Variants in UNC80 observed in about 807,000 individuals in gnomAD.
UNC80 encodes unc-80 subunit of NALCN channel complex.
In UNC80, 164 loss-of-function variants were observed where a neutral mutation model predicts 384.6. That is an observed-to-expected ratio of 0.43 (90% CI 0.38 to 0.49). UNC80 has a LOEUF of 0.49. UNC80 is among the 20% of genes least tolerant of loss of function. The pLI, the probability that UNC80 is intolerant of heterozygous loss-of-function variation, is 0.00. For missense variants in UNC80, 3,330 were observed against 4,143.0 expected (o/e 0.80, Z 5.39); for synonymous variants, 1,486 against 1,527.8 (o/e 0.97, Z 0.64).
chr2:209,807,930 T>A (rs2079011723), intron 7 of UNC80, among the ~76,000 whole-genome samples: 2 of 152,242 alleles, frequency 1.3e-5, no homozygotes, highest in Non-Finnish European at 1.5e-5. Context: ...TCTTGTTAAT[T>A]TATTGATATT....
chr2:209,817,929 A>G lies in UNC80; in HGVS notation c.1670A>G (p.His557Arg). The change falls in exon 11 of 65, where the codon CAT (histidine) becomes CGT (arginine). Residue 557 changes from histidine (H) to arginine (R), a missense_variant. This residue lies in a region of UNC80 where 937 missense variants were observed against 1,026.8 expected (regional missense o/e 0.91). Transcript: ENST00000673920. ...VSDLPDPSNS[H>R]GENTVKEVRS... ...GACCTGCCGGACCCCTCCAACAGCC[A>G]TGGAGAAAACACCGTCAAGGAAGGT... 1.3e-6 allele frequency: 2 copies of G among 1,551,650 alleles called. No individual in the cohort carries two copies. The highest frequency in any genetic ancestry group is 1.7e-6 in the Non-Finnish European group (2 of 1,146,986).
intron 38 of UNC80, among the ~76,000 whole-genome samples, chr2:209,932,110 A>G (rs2090925946): frequency 6.6e-6 from 1 of 152,114 alleles, no homozygotes; most frequent in Admixed American, 6.5e-5. Context: ...ACTCAAGCCC[A>G]TGGCTGCTGT....
At chr2:209,993,097 A>ATG (rs1161660784) in intron 62 of UNC80, among the ~76,000 whole-genome samples, 1 of 152,262 alleles carries the variant, frequency 6.6e-6, no homozygotes, top group Non-Finnish European at 1.5e-5. Flanking sequence ...ATGTTAGTCA[A>ATG]TGTTCTTGGC....
At chr2:209,982,468 G>T (rs1385263043) in intron 60 of UNC80, 151 bp downstream of exon 60, 2 of 989,776 alleles carry the variant, frequency 2.0e-6, no homozygotes, top group Non-Finnish European at 2.7e-6. Context: ...TGTCAACTAG[G>T]TTCCTGCAGG....
In UNC80 at chr2:209,771,987, G is replaced by T. The variant is rs541256290; in HGVS notation, c.-86G>T. The T allele has an allele frequency of 2.0e-6, 2 of 986,424 alleles. No individual in the cohort carries two copies. Among genetic ancestry groups the T allele is most frequent in the Admixed American group, 2.0e-5 (1 of 49,604 alleles). The allele number at this position is 986,424 out of a possible 1,614,324, so 61.1% of individuals were successfully genotyped here. On this transcript the variant is annotated 5_prime_UTR_variant, in exon 1 of 65. Transcript: ENST00000673920. ...TGCCTCGGGGAAGGAGGGGATGAGA[G>T]TTGGGAGCAGCGGGAGGAGGCGGCG...
intron 25 of UNC80, among the ~76,000 whole-genome samples, chr2:209,882,582 A>G (rs1381061147): frequency 2.6e-5 from 4 of 152,302 alleles, no homozygotes; most frequent in Admixed American, 2.6e-4. Flanking sequence ...TTTCATAATA[A>G]CCTGAATCTT....
At chr2:209,772,446 G>C (rs528320689) in intron 1 of UNC80, among the ~76,000 whole-genome samples, 10 of 152,194 alleles carry the variant, frequency 6.6e-5, no homozygotes, top group Non-Finnish European at 4.4e-5. Context: ...CCTGGGAAGA[G>C]GGGGCGGGGA....
chr2:209,855,174 C>T (rs1183190909), intron 22 of UNC80, among the ~76,000 whole-genome samples: 3 of 152,148 alleles, frequency 2.0e-5, no homozygotes, highest in Non-Finnish European at 4.4e-5. Context: ...AAGCCATTAT[C>T]CTCAGCAAAC....
In UNC80 at chr2:209,917,885, A is replaced by G. The variant is rs1212131562; in HGVS notation, c.5138A>G (p.Lys1713Arg). The G allele has an allele frequency of 1.3e-6, 2 of 1,551,748 alleles. No individual in the cohort carries two copies. Among genetic ancestry groups the G allele is most frequent in the Non-Finnish European group, 1.7e-6 (2 of 1,147,044 alleles). The change falls in exon 32 of 65, where the codon AAG becomes AGG. Residue 1713 changes from lysine to arginine, a missense_variant. By Grantham distance (26) the Lys-to-Arg change is conservative (BLOSUM62 2). This residue lies in a region of UNC80 where 801 missense variants were observed against 950.8 expected (regional missense o/e 0.84). Coordinates refer to ENST00000673920, the MANE Select transcript of UNC80 (RefSeq NM_001371986.1). ...GTGCAGAGGCTGAACGCTGTCCTCA[A>G]GTTCCACACGCTCTGGAGGTTTCGC... Reference protein sequence around the residue: ...ETVQRLNAVLKFHTLWRFRYQ... With the variant: ...ETVQRLNAVLRFHTLWRFRYQ...
At chr2:209,971,464 C>CAAAAAA (rs35804573) in intron 54 of UNC80, among the ~76,000 whole-genome samples, 1 of 133,778 alleles carries the variant, frequency 7.5e-6, no homozygotes, top group Non-Finnish European at 1.6e-5. Context: ...ATTCCCAAGG[C>CAAAAAA]AAAAAAAAAA....
intron 22 of UNC80, among the ~76,000 whole-genome samples, chr2:209,851,193 A>G (rs1365769972): frequency 2.0e-5 from 3 of 152,278 alleles, no homozygotes; most frequent in Non-Finnish European, 4.4e-5. Flanking sequence ...TTCCTACTTT[A>G]TAGCTCTCAG....
chr2:209,919,240 A>G (rs2089833146), intron 33 of UNC80, among the ~76,000 whole-genome samples: 1 of 152,204 alleles, frequency 6.6e-6, no homozygotes. Context: ...ATTCATCTTC[A>G]GAATATGCCT....
intron 7 of UNC80, among the ~76,000 whole-genome samples, chr2:209,797,634 A>G (rs1007369058): frequency 6.6e-6 from 1 of 152,110 alleles, no homozygotes; most frequent in Admixed American, 6.5e-5. Flanking sequence ...CAATAAACAT[A>G]TGTGTGCATG....
At chr2:209,779,024 C>T (rs2077016741) in intron 4 of UNC80, among the ~76,000 whole-genome samples, 1 of 152,246 alleles carries the variant, frequency 6.6e-6, no homozygotes, top group Non-Finnish European at 1.5e-5. Context: ...AACACATACA[C>T]TGGCCACATT....
At chr2:209,985,534 A>C (rs2093269322) in intron 61 of UNC80, among the ~76,000 whole-genome samples, 1 of 152,240 alleles carries the variant, frequency 6.6e-6, no homozygotes. Context: ...GAAATATCAG[A>C]CACAAACAGT....
At chr2:209,812,216 ATTTT>A (rs796729702) in intron 7 of UNC80, among the ~76,000 whole-genome samples, 1,658 of 137,606 alleles carry the variant, frequency 0.012, 29 homozygotes, top group African/African-American at 0.04. Context: ...AGAGCGGCTA[ATTTT>A]TTTTTTTTTT....
At chr2:209,971,948 C>A (rs2092898792) in intron 54 of UNC80, among the ~76,000 whole-genome samples, 1 of 151,994 alleles carries the variant, frequency 6.6e-6, no homozygotes, top group African/African-American at 2.4e-5. Context: ...TGTACCTGAC[C>A]ATAAGTATTC....
chr2:209,783,767 A>G (rs1209818924), intron 4 of UNC80, among the ~76,000 whole-genome samples: 1 of 152,146 alleles, frequency 6.6e-6, no homozygotes, highest in Admixed American at 6.6e-5. Context: ...ATGGAAAAGG[A>G]CTGAACTCAG....
At chr2:209,910,955 A>G (rs562667956) in intron 29 of UNC80, among the ~76,000 whole-genome samples, 2 of 152,224 alleles carry the variant, frequency 1.3e-5, no homozygotes, top group South Asian at 2.1e-4. Context: ...AATAATGGCT[A>G]TCATTGGGTT....
Sources: allele counts gnomAD v4.1 joint callset (sites outside exome capture counted in the v4.1 genomes callset), GRCh38; gene constraint gnomAD v4.1.1; regional missense constraint gnomAD v4.1.1; transcripts MANE v1.5; gene names NCBI Gene and HGNC (gene_info 2026-07-23, HGNC 2026-07-21).